INPP5A: variants seen among roughly 807,000 people sequenced by gnomAD.
INPP5A encodes the protein 43 kDa inositol polyphosphate 5-phophatase.
A neutral mutation model predicts 65.2 loss-of-function variants in INPP5A; 14 were observed. That is an observed-to-expected ratio of 0.21 (90% CI 0.14 to 0.34). INPP5A has a LOEUF of 0.34. Ranked by LOEUF, INPP5A falls within the 10% of genes least tolerant of loss-of-function variation. The pLI is 1.00. For missense variants in INPP5A, 431 were observed against 545.6 expected, an observed-to-expected ratio of 0.79 and a Z score of 2.09; for synonymous variants, 207 against 208.3, an observed-to-expected ratio of 0.99 and a Z score of 0.05.
At chr10:132,758,888 G>A (rs1025170895) in intron 11 of INPP5A, among the ~76,000 whole-genome samples, 11 of 152,194 alleles carry the variant, frequency 7.2e-5, no homozygotes, top group African/African-American at 2.7e-4. Context: ...CCTGAGCGTC[G>A]GGTTTCGTCA....
chr10:132,571,344 C>T (rs1273367196), intron 1 of INPP5A, among the ~76,000 whole-genome samples: 1 of 152,244 alleles, frequency 6.6e-6, no homozygotes, highest in South Asian at 2.1e-4. Flanking sequence ...ACCTGCCTAC[C>T]CTCTCTGCTG....
In INPP5A at chr10:132,566,876, A is replaced by G. The variant is rs532957323; in HGVS notation, c.75+28705A>G. 2.0e-5 allele frequency among the ~76,000 whole-genome samples: 3 copies of G among 152,378 alleles called. No individual in the cohort carries two copies. The East Asian group carries it at 5.8e-4, about 29-fold the overall frequency. On this transcript the variant is annotated intron_variant, in intron 1 of 15. Transcript: ENST00000368594. ...AAGAATAATGTAAATATTGAATACT[A>G]GAATGGAGAGACGTTACTTGCAAAT... is the stretch of plus-strand genomic sequence containing the variant.
intron 11 of INPP5A, among the ~76,000 whole-genome samples, chr10:132,752,490 G>A (rs1275368811): frequency 7.0e-6 from 1 of 143,274 alleles, no homozygotes; most frequent in African/African-American, 2.6e-5. Flanking sequence ...GGTGCAGAGT[G>A]GAAGGGGTGC....
intron 4 of INPP5A, among the ~76,000 whole-genome samples, chr10:132,665,043 C>G (rs183949103): frequency 6.6e-6 from 1 of 152,216 alleles, no homozygotes; most frequent in South Asian, 2.1e-4. Flanking sequence ...GGCAGCGCCC[C>G]GCCTGTGCAG....
intron 4 of INPP5A, among the ~76,000 whole-genome samples, chr10:132,679,949 G>C (rs144562505): frequency 9.8e-5 from 15 of 152,338 alleles, no homozygotes; most frequent in African/African-American, 3.6e-4. Flanking sequence ...ACATTACATT[G>C]TGTACAAAGT....
intron 9 of INPP5A, among the ~76,000 whole-genome samples, chr10:132,743,609 G>A (rs1208635220): frequency 2.0e-5 from 3 of 152,214 alleles, no homozygotes; most frequent in South Asian, 4.1e-4. Flanking sequence ...GTTTGCTTCC[G>A]AATCAGCACT....
At chr10:132,577,241 C>T (rs963269683) in intron 1 of INPP5A, among the ~76,000 whole-genome samples, 5 of 152,290 alleles carry the variant, frequency 3.3e-5, no homozygotes, top group East Asian at 1.9e-4. Flanking sequence ...GCACGCCGCC[C>T]GTGGTGCATC....
intron 8 of INPP5A, among the ~76,000 whole-genome samples, chr10:132,723,632 TTGTGGGGATTGGCCA>T (rs1418532579): frequency 1.5e-3 from 102 of 68,260 alleles, no homozygotes; most frequent in African/African-American, 6.2e-3. Flanking sequence ...GGGATTGGTT[TTGTGGGGATTGGCCA>T]TGTGGGGATT....
chr10:132,673,485 C>G (rs1261366909), intron 4 of INPP5A, among the ~76,000 whole-genome samples: 1 of 152,170 alleles, frequency 6.6e-6, no homozygotes, highest in East Asian at 1.9e-4. Flanking sequence ...CAAAGTATTG[C>G]CACCTAGTTG....
chr10:132,583,207 C>T (rs1044218133), intron 1 of INPP5A, among the ~76,000 whole-genome samples: 4 of 152,022 alleles, frequency 2.6e-5, no homozygotes, highest in South Asian at 2.1e-4. Context: ...TATTTTTAAA[C>T]GTGTGATTTT....
Position 132,708,418 on chromosome 10 carries a change from A to G in INPP5A, c.527+53A>G, listed in dbSNP as rs764941760. 1.5e-5 allele frequency: 23 copies of G among 1,546,552 alleles called. No homozygotes were observed. In the South Asian group the frequency reaches 1.8e-4, roughly 12 times the overall value. On this transcript the variant is annotated intron_variant, in intron 7 of 15. Coordinates refer to ENST00000368594, the MANE Select transcript of INPP5A (RefSeq NM_005539.5). ...TCCATAACGTTTCTTACCCTTTTAT[A>G]TCTTGCACCAGCGGCATGTTCCACA... is the stretch of plus-strand genomic sequence containing the variant.
intron 12 of INPP5A, 39 bp from the exon 13 acceptor site, chr10:132,777,632 G>T: frequency 6.3e-7 from 1 of 1,593,224 alleles, no homozygotes; most frequent in Non-Finnish European, 8.6e-7. Context: ...AGGACGGCCC[G>T]AGCCGGCCGG....
rs1270852052 is a variant in INPP5A at position 132,706,537 on chromosome 10, G to A, written c.475-1776G>A. 6.6e-6 allele frequency among the ~76,000 whole-genome samples: 1 copy of A among 152,260 alleles called. No homozygotes were observed. Among genetic ancestry groups the A allele is most frequent in the African/African-American group, 2.4e-5 (1 of 41,462 alleles). Reference sequence around the variant, plus strand: ...GTGTGCCGGGGTGCTTCTTACAGCAGTGGTGGATCCAGAGTGCAGGGGAAG... The same window carrying A: ...GTGTGCCGGGGTGCTTCTTACAGCAATGGTGGATCCAGAGTGCAGGGGAAG... On this transcript the variant is annotated intron_variant, in intron 6 of 15. Transcript: ENST00000368594. This position sits in a 1 kb window ranked among gnomAD's most constrained non-coding sequence, Gnocchi z 4.7.
chr10:132,597,068 T>A (rs2071711008), intron 1 of INPP5A, among the ~76,000 whole-genome samples: 1 of 151,908 alleles, frequency 6.6e-6, no homozygotes, highest in African/African-American at 2.4e-5. Flanking sequence ...CAGGCTCCTG[T>A]ACGTGTGTGC....
intron 11 of INPP5A, 47 bp downstream of exon 11, chr10:132,749,892 A>T (rs367738670): frequency 1.6e-5 from 25 of 1,515,418 alleles, no homozygotes; most frequent in African/African-American, 2.7e-5. Context: ...TGGGACATCC[A>T]CGCCCCCAGG....
intron 9 of INPP5A, among the ~76,000 whole-genome samples, chr10:132,738,167 T>C (rs1489270297): frequency 6.6e-6 from 1 of 152,230 alleles, no homozygotes; most frequent in Non-Finnish European, 1.5e-5. Flanking sequence ...GCTCATACTT[T>C]ATTTAAAAAT....
chr10:132,643,174 T>C (rs780386680), intron 2 of INPP5A, among the ~76,000 whole-genome samples: 63 of 152,216 alleles, frequency 4.1e-4, no homozygotes, highest in Non-Finnish European at 6.5e-4. Flanking sequence ...TATGGTTTAA[T>C]CAGTTAGCTC....
chr10:132,569,920 G>C (rs1243890950), intron 1 of INPP5A, among the ~76,000 whole-genome samples: 1 of 150,382 alleles, frequency 6.6e-6, no homozygotes, highest in Non-Finnish European at 1.5e-5. Flanking sequence ...CCAAAGTGCT[G>C]GGATTACAGG....
At position 132,780,858 on chromosome 10, in the gene INPP5A, G is replaced by T; in HGVS notation, c.1099G>T (p.Glu367Ter). The T allele has an allele frequency of 1.2e-6, 2 of 1,613,210 alleles. No homozygotes were observed. The highest frequency in any genetic ancestry group is 1.7e-6 in the Non-Finnish European group (2 of 1,179,804). The change falls in exon 14 of 16, where the codon GAG (glutamate) becomes TAG (stop). Residue 367 changes from glutamate (E) to a stop codon, truncating the protein, a stop_gained. Transcript: ENST00000368594. LOFTEE classifies it high-confidence loss of function. The stretch of plus-strand genomic sequence containing the variant: ...TGTTTCCCCTTTCCAGTCGGAGAGC[G>T]AGGAGAAGGTTGTCACCTATGACCA... ...AKELVLRSESEEKVVTYDHIG... is the reference protein window; with the variant it reads ...AKELVLRSES
Sources: gnomAD v4.1 joint callset for allele counts (sites outside exome capture counted in the v4.1 genomes callset) on GRCh38, gnomAD v4.1.1 for gene constraint, Gnocchi (gnomAD v3.1) non-coding constraint, MANE v1.5 for transcripts, NCBI Gene and HGNC (gene_info 2026-07-23, HGNC 2026-07-21) for gene names.